ASTN2: variants seen among roughly 807,000 people sequenced by gnomAD.
The protein encoded by ASTN2 is astrotactin-2.
Under a neutral mutation model 139.8 loss-of-function variants are expected in ASTN2, and 54 were observed. That is an observed-to-expected ratio of 0.39 (90% CI 0.31 to 0.48). The LOEUF is 0.48. Ranked by LOEUF, ASTN2 falls within the 20% of genes least tolerant of loss-of-function variation. The probability of loss-of-function intolerance (pLI) is 0.95; values close to 1 mark genes in which losing one functional copy is unlikely to be tolerated. For missense variants in ASTN2, 1,565 were observed against 1,725.1 expected, an observed-to-expected ratio of 0.91 and a Z score of 1.64; for synonymous variants, 756 against 719.5, an observed-to-expected ratio of 1.05 and a Z score of -0.81.
At chr9:116,819,695 A>G (rs1208237704) in intron 12 of ASTN2, among the ~76,000 whole-genome samples, 2 of 152,208 alleles carry the variant, frequency 1.3e-5, no homozygotes, top group Non-Finnish European at 1.5e-5. Context: ...CATGAGTACA[A>G]GATTATTTTT....
intron 16 of ASTN2, among the ~76,000 whole-genome samples, chr9:116,678,546 A>G (rs148940912): frequency 6.6e-6 from 1 of 152,176 alleles, no homozygotes; most frequent in South Asian, 2.1e-4. Context: ...AATTTTGTCT[A>G]GTTCAGAGGG....
chr9:116,643,642 GATTAA>G (rs1408272238), intron 17 of ASTN2, among the ~76,000 whole-genome samples: 7 of 152,072 alleles, frequency 4.6e-5, no homozygotes, highest in African/African-American at 1.7e-4. Flanking sequence ...GTTGTTGGAT[GATTAA>G]ATTAGATAAA....
intron 10 of ASTN2, among the ~76,000 whole-genome samples, chr9:116,892,562 C>G (rs1588389720): frequency 6.6e-6 from 1 of 151,926 alleles, no homozygotes; most frequent in South Asian, 2.1e-4. Flanking sequence ...CAAGCTGGTC[C>G]CGGTCAGATT....
At chr9:116,567,607 G>A (rs1853300022) in intron 19 of ASTN2, among the ~76,000 whole-genome samples, 1 of 152,192 alleles carries the variant, frequency 6.6e-6, no homozygotes, top group African/African-American at 2.4e-5. Context: ...CCTTCTGGCT[G>A]TAGCATGGAA....
rs538326091 is a variant in ASTN2, at chr9:117,414,129, G to T, written c.442+368C>A. On this transcript the variant is annotated intron_variant, in intron 1 of 22. Transcript: ENST00000313400. This position sits in a 1 kb window ranked among gnomAD's most constrained non-coding sequence, Gnocchi z 4.2. ...GTGACGGTACCCGGAGAAGTGGGAG[G>T]CTCGACCTGAAACTGGCTTAGGATC... is the stretch of plus-strand genomic sequence containing the variant. Among the ~76,000 whole-genome samples the T allele has an allele frequency of 3.9e-5, 6 of 152,222 alleles. No individual in the cohort carries two copies. The East Asian group carries it at 1.2e-3, about 30-fold the overall frequency.
intron 17 of ASTN2, among the ~76,000 whole-genome samples, chr9:116,631,605 C>CA (rs1243027008): frequency 1.3e-5 from 2 of 151,850 alleles, no homozygotes; most frequent in African/African-American, 4.8e-5. Flanking sequence ...GGCTGGTTAA[C>CA]AGATACAAAA....
intron 13 of ASTN2, among the ~76,000 whole-genome samples, chr9:116,795,783 A>G (rs552939719): frequency 6.6e-6 from 1 of 152,296 alleles, no homozygotes; most frequent in African/African-American, 2.4e-5. Flanking sequence ...AGGAATGGTT[A>G]TTGGGATCCT....
intron 21 of ASTN2, among the ~76,000 whole-genome samples, chr9:116,441,514 CT>C (rs898905052): frequency 1.7e-4 from 25 of 148,054 alleles, no homozygotes; most frequent in Middle Eastern, 3.4e-3. Flanking sequence ...TTTATTTGTA[CT>C]TTTTTTTTTG....
At position 117,291,660 on chromosome 9, in the gene ASTN2, A is replaced by G. The variant is rs1834597600; in HGVS notation, c.443-147T>C. The G allele has an allele frequency of 4.7e-6, 3 of 641,046 alleles. No individual in the cohort carries two copies. In the South Asian group the frequency reaches 6.1e-5, roughly 13 times the overall value. The allele number at this position is 641,046 out of a possible 1,614,324, so 39.7% of individuals were successfully genotyped here. On this transcript the variant is annotated intron_variant, in intron 1 of 22. Transcript: ENST00000313400. ...CTCACATCAAGTCTATGAGATAGGG[A>G]TCATCACTTTCATTTATAGATGAGT...
intron 13 of ASTN2, among the ~76,000 whole-genome samples, chr9:116,803,496 ATATATATATATATATATATATATATATTT>A (rs761072947): frequency 0.32 from 21,884 of 67,346 alleles, 2,954 homozygotes; most frequent in South Asian, 0.51. Context: ...ATATATATAT[ATATATATATATATATATATATATATATTT>A]TTTTTTTTTT....
At chr9:116,923,355 T>C (rs1834666175) in intron 10 of ASTN2, among the ~76,000 whole-genome samples, 1 of 152,200 alleles carries the variant, frequency 6.6e-6, no homozygotes, top group African/African-American at 2.4e-5. Flanking sequence ...GGGTTGATCA[T>C]GGTACCAGAT....
chr9:116,573,543 T>C lies in ASTN2; in HGVS notation c.3355+44781A>G, dbSNP rs370659983. ...TCCAGAATGTTATGGGACAAAATTC[T>C]AAATTTACACATGGGCAAAGCAAGA... On this transcript the variant is annotated intron_variant, in intron 19 of 22. Coordinates refer to ENST00000313400, the MANE Select transcript of ASTN2 (RefSeq NM_001365068.1). Among the ~76,000 whole-genome samples the C allele has an allele frequency of 1.9e-4, 29 of 152,354 alleles. No homozygotes were observed. In the East Asian group the frequency reaches 5.4e-3, roughly 28 times the overall value.
At chr9:117,361,324 A>G (rs190313791) in intron 1 of ASTN2, among the ~76,000 whole-genome samples, 1 of 152,284 alleles carries the variant, frequency 6.6e-6, no homozygotes. Flanking sequence ...GGCGGCCAGC[A>G]TAGCAAGTCG....
chr9:116,470,985 C>CA (rs1848794426), intron 20 of ASTN2, among the ~76,000 whole-genome samples: 1 of 152,132 alleles, frequency 6.6e-6, no homozygotes, highest in Non-Finnish European at 1.5e-5. Flanking sequence ...AAGACTAAAG[C>CA]AAAAACAAAC....
At chr9:116,822,585 C>A (rs774317390) in intron 11 of ASTN2, among the ~76,000 whole-genome samples, 1 of 152,134 alleles carries the variant, frequency 6.6e-6, no homozygotes, top group Non-Finnish European at 1.5e-5. Context: ...ATTTTCTGAC[C>A]AGGTAACAGG....
At position 116,793,350 on chromosome 9, in the gene ASTN2, G is replaced by A. The variant is rs535341848; in HGVS notation, c.2396+12282C>T. Among the ~76,000 whole-genome samples the A allele has an allele frequency of 4.6e-5, 7 of 152,294 alleles. No homozygotes were observed. In the South Asian group the frequency reaches 1.2e-3, roughly 27 times the overall value. On this transcript the variant is annotated intron_variant, in intron 13 of 22. Coordinates refer to ENST00000313400, the MANE Select transcript of ASTN2 (RefSeq NM_001365068.1). ...CAATCATTCAACACATATTCAGCAGGAACGGGGGACACAGCAATGAACAAC... is the reference window on the plus strand; with the variant it reads ...CAATCATTCAACACATATTCAGCAGAAACGGGGGACACAGCAATGAACAAC...
At chr9:117,350,858 T>C (rs1829365992) in intron 1 of ASTN2, among the ~76,000 whole-genome samples, 1 of 152,154 alleles carries the variant, frequency 6.6e-6, no homozygotes, top group South Asian at 2.1e-4. Context: ...GGGAAAGACA[T>C]GCAGCAAGTT....
At chr9:116,612,327 A>G (rs1462618810) in intron 19 of ASTN2, 2 of 152,172 alleles carry the variant, frequency 1.3e-5, no homozygotes, top group African/African-American at 4.8e-5. Context: ...ACAGAAAGTT[A>G]ACAAGGATAT....
chr9:117,233,749 G>A (rs1425755108), intron 2 of ASTN2, among the ~76,000 whole-genome samples: 1 of 152,084 alleles, frequency 6.6e-6, no homozygotes, highest in Non-Finnish European at 1.5e-5. Flanking sequence ...ACTGAACAGT[G>A]AGCAATGAGA....
Sources: allele counts gnomAD v4.1 joint callset (sites outside exome capture counted in the v4.1 genomes callset), GRCh38; gene constraint gnomAD v4.1.1; non-coding constraint Gnocchi (gnomAD v3.1); transcripts MANE v1.5; gene names NCBI Gene and HGNC (gene_info 2026-07-23, HGNC 2026-07-21).